EYS: variants seen among roughly 807,000 people sequenced by gnomAD.
EYS encodes EGF-like photoreceptor maintenance factor.
In EYS, 250 loss-of-function variants were observed where a neutral mutation model predicts 282.1. The ratio of observed to expected loss-of-function variants is 0.89; its 90% CI spans 0.80 to 0.98. The LOEUF is 0.98. Ranked by LOEUF, EYS falls within the 50% of genes least tolerant of loss-of-function variation. The pLI is 0.00. For synonymous variants in EYS, 1,355 were observed against 1,282.9 expected (o/e 1.06, Z -1.20); for missense variants, 4,016 against 3,709.0 (o/e 1.08, Z -2.15).
chr6:63,876,880 T>A (rs1296731282), intron 35 of EYS, among the ~76,000 whole-genome samples: 2 of 152,182 alleles, frequency 1.3e-5, no homozygotes, highest in African/African-American at 4.8e-5. Flanking sequence ...GTGAGATGGG[T>A]CTCCTGAATA....
chr6:64,847,331 C>T (rs369040685), intron 19 of EYS, among the ~76,000 whole-genome samples: 41 of 151,772 alleles, frequency 2.7e-4, no homozygotes, highest in African/African-American at 8.0e-4. Context: ...CTCTGAAGAA[C>T]GCTAATACAG....
At chr6:64,577,870 G>T (rs1354804958) in intron 26 of EYS, among the ~76,000 whole-genome samples, 1 of 152,036 alleles carries the variant, frequency 6.6e-6, no homozygotes, top group Non-Finnish European at 1.5e-5. Flanking sequence ...AAATTGGTTT[G>T]CATTATTTTC....
intron 29 of EYS, among the ~76,000 whole-genome samples, chr6:64,344,236 C>A (rs1771270228): frequency 6.6e-6 from 1 of 152,104 alleles, no homozygotes; most frequent in African/African-American, 2.4e-5. Context: ...ATACCAAAGC[C>A]TGGCAGAGAC....
chr6:65,085,899 CA>C (rs1460152673), intron 12 of EYS, among the ~76,000 whole-genome samples: 1 of 151,538 alleles, frequency 6.6e-6, no homozygotes, highest in African/African-American at 2.4e-5. Context: ...AGGACCAGCT[CA>C]AATATTACTG....
At chr6:64,945,989 C>A in intron 14 of EYS, 75 bp from the exon 15 acceptor site, 1 of 1,138,394 alleles carries the variant, frequency 8.8e-7, no homozygotes, top group South Asian at 2.2e-5. Flanking sequence ...TTACTCCTGG[C>A]CATTTTGATA....
intron 12 of EYS, among the ~76,000 whole-genome samples, chr6:65,178,825 A>C (rs2150231753): frequency 6.6e-6 from 1 of 152,230 alleles, no homozygotes; most frequent in Non-Finnish European, 1.5e-5. Flanking sequence ...AGCACTCCTC[A>C]GCAAATGTAA....
rs572162681 is a variant in EYS at position 64,634,581 on chromosome 6, G to A, written c.3444-8336C>T. ...AAAAAAAGAGCCCTAAGGCACAAAAGTACAAAATATTGAAGTGTGGTATAG... is the reference window on the plus strand; with the variant it reads ...AAAAAAAGAGCCCTAAGGCACAAAAATACAAAATATTGAAGTGTGGTATAG... On this transcript the variant is annotated intron_variant, in intron 22 of 42. Transcript: ENST00000503581. Among the ~76,000 whole-genome samples, 43 of 146,512 alleles carry A rather than the reference G, an allele frequency of 2.9e-4. No individual in the cohort carries two copies. The East Asian group carries it at 3.0e-3, about 10-fold the overall frequency.
chr6:64,975,600 T>C (rs1399224694), intron 14 of EYS, among the ~76,000 whole-genome samples: 2 of 151,864 alleles, frequency 1.3e-5, no homozygotes, highest in Non-Finnish European at 2.9e-5. Flanking sequence ...CAAGTGACCA[T>C]TTGTTTCAAA....
chr6:64,139,439 A>G (rs946105831), intron 31 of EYS, among the ~76,000 whole-genome samples: 2 of 152,140 alleles, frequency 1.3e-5, no homozygotes, highest in African/African-American at 2.4e-5. Context: ...TGGCTAAGAA[A>G]TCAGTTATAA....
chr6:64,054,491 G>A (rs1305512783), intron 33 of EYS, among the ~76,000 whole-genome samples: 1 of 152,034 alleles, frequency 6.6e-6, no homozygotes, highest in Non-Finnish European at 1.5e-5. Flanking sequence ...AAGGTGGAAG[G>A]AGCTGAGAAA....
At chr6:64,869,040 A>T (rs1766511236) in intron 19 of EYS, among the ~76,000 whole-genome samples, 1 of 151,546 alleles carries the variant, frequency 6.6e-6, no homozygotes, top group Admixed American at 6.6e-5. Flanking sequence ...ATATGCTAGA[A>T]ATTGAGTTTT....
chr6:64,433,334 G>A (rs1774632868), intron 28 of EYS, among the ~76,000 whole-genome samples: 1 of 151,970 alleles, frequency 6.6e-6, no homozygotes, highest in South Asian at 2.1e-4. Flanking sequence ...AGAAGAATAT[G>A]TAAATGGTCA....
chr6:63,831,895 A>C (rs1407865574), intron 36 of EYS, among the ~76,000 whole-genome samples: 2 of 152,228 alleles, frequency 1.3e-5, no homozygotes, highest in Non-Finnish European at 2.9e-5. Flanking sequence ...TCAAACTAGA[A>C]CTCAGGATTA....
At chr6:65,107,910 C>T (rs951808976) in intron 12 of EYS, among the ~76,000 whole-genome samples, 11 of 151,932 alleles carry the variant, frequency 7.2e-5, no homozygotes, top group Non-Finnish European at 1.3e-4. Flanking sequence ...TATATGAAAA[C>T]ATTAAAATCT....
At chr6:65,393,216 A>T (rs930320044) in intron 7 of EYS, among the ~76,000 whole-genome samples, 256 of 152,192 alleles carry the variant, frequency 1.7e-3, no homozygotes, top group Non-Finnish European at 5.3e-4. Context: ...AGATATACCT[A>T]ATGCTAGATG....
intron 31 of EYS, among the ~76,000 whole-genome samples, chr6:64,193,547 AC>A (rs1421089891): frequency 6.6e-6 from 1 of 151,814 alleles, no homozygotes; most frequent in Non-Finnish European, 1.5e-5. Context: ...CATGTGCACA[AC>A]CTGCAGGTTT....
At chr6:65,420,691 C>T (rs941939859) in intron 5 of EYS, among the ~76,000 whole-genome samples, 1 of 151,750 alleles carries the variant, frequency 6.6e-6, no homozygotes, top group Non-Finnish European at 1.5e-5. Context: ...GAAGCTATAG[C>T]CTTACAAAAA....
intron 2 of EYS, among the ~76,000 whole-genome samples, chr6:65,592,428 A>C (rs1765262672): frequency 6.6e-6 from 1 of 152,124 alleles, no homozygotes; most frequent in African/African-American, 2.4e-5. Context: ...TATATTTCAA[A>C]GTTTCCTGTT....
chr6:64,546,342 C>T (rs946668524), intron 26 of EYS, among the ~76,000 whole-genome samples: 1 of 152,108 alleles, frequency 6.6e-6, no homozygotes, highest in South Asian at 2.1e-4. Context: ...AAACTGGATC[C>T]GTTCCTTACA....
Sources: allele counts gnomAD v4.1 joint callset (sites outside exome capture counted in the v4.1 genomes callset), GRCh38; gene constraint gnomAD v4.1.1; transcripts MANE v1.5; gene names NCBI Gene and HGNC (gene_info 2026-07-23, HGNC 2026-07-21).